The following PRKAG2 variants were observed in gnomAD, a reference collection of about 807,000 sequenced individuals.
PRKAG2 encodes the protein 5'-AMP-activated protein kinase subunit gamma-2.
Under a neutral mutation model 69.6 loss-of-function variants are expected in PRKAG2, and 26 were observed. That is an observed-to-expected ratio of 0.37 (90% CI 0.27 to 0.52). The LOEUF is 0.52. PRKAG2 is among the 20% of genes least tolerant of loss of function. PRKAG2 has a pLI of 0.90. For missense variants in PRKAG2, 557 were observed against 740.0 expected (o/e 0.75, Z 2.87); for synonymous variants, 293 against 285.0 (o/e 1.03, Z -0.28).
chr7:151,870,024 T>C (rs1381275348), intron 1 of PRKAG2, among the ~76,000 whole-genome samples: 2 of 152,216 alleles, frequency 1.3e-5, no homozygotes, highest in Non-Finnish European at 2.9e-5. Flanking sequence ...CATTCATCTT[T>C]ATTTGGAAGC....
chr7:151,558,588 T>C, intron 15 of PRKAG2: 1 of 926,046 alleles, frequency 1.1e-6, no homozygotes, highest in Non-Finnish European at 1.3e-6. Flanking sequence ...GTTGATCAGA[T>C]GCAGGCGCTC....
intron 1 of PRKAG2, among the ~76,000 whole-genome samples, chr7:151,795,085 C>T (rs892396537): frequency 1.3e-5 from 2 of 152,200 alleles, no homozygotes; most frequent in Non-Finnish European, 2.9e-5. Context: ...GGCAGCTGCT[C>T]CCAGGCCAGG....
chr7:151,615,180 A>C (rs1819802420), intron 5 of PRKAG2, among the ~76,000 whole-genome samples: 1 of 152,180 alleles, frequency 6.6e-6, no homozygotes, highest in African/African-American at 2.4e-5. Context: ...TTCCAGCTCC[A>C]CCCATGTTCC....
intron 3 of PRKAG2, among the ~76,000 whole-genome samples, chr7:151,698,504 G>A (rs947414934): frequency 1.3e-5 from 2 of 152,104 alleles, no homozygotes; most frequent in Non-Finnish European, 2.9e-5. Context: ...GGTAGTGAAT[G>A]AGTTCTCGCT....
rs1301881917 is a variant in PRKAG2 at position 151,850,105 on chromosome 7, G to A, written c.114+26402C>T. Among the ~76,000 whole-genome samples, 2 of 152,210 alleles carry A rather than the reference G, an allele frequency of 1.3e-5. No individual in the cohort carries two copies. The highest frequency in any genetic ancestry group is 6.5e-5 in the Admixed American group (1 of 15,286). On this transcript the variant is annotated intron_variant, in intron 1 of 15. Transcript: ENST00000287878. The surrounding 1 kb of genome is among the most constrained non-coding windows in gnomAD (Gnocchi z 4.1). ...GCTGAGAACCCACACCGCCTAAACC[G>A]AGGGGCCGTGCACACAGGTGGCTCA...
In PRKAG2 at chr7:151,560,608, G is replaced by A; in HGVS notation, c.1594C>T (p.Leu532=). ...DRIVRAEVHR[L]VVVNEADSIV... is the part of the protein sequence containing the mutation. ...CTATCTGCTTCATTTACCACCACCA[G>A]CCGATGGACCTGCAAAGAGAAAAGC... The change falls in exon 15 of 16, where the codon CTG becomes TTG. Residue 532 remains leucine, a synonymous_variant. Transcript: ENST00000287878. 2 of 1,614,066 alleles carry A rather than the reference G, an allele frequency of 1.2e-6. No individual in the cohort carries two copies. Among genetic ancestry groups the A allele is most frequent in the Non-Finnish European group, 1.7e-6 (2 of 1,179,924 alleles).
At chr7:151,696,246 C>A (rs1369889618) in intron 3 of PRKAG2, among the ~76,000 whole-genome samples, 1 of 152,254 alleles carries the variant, frequency 6.6e-6, no homozygotes, top group African/African-American at 2.4e-5. Flanking sequence ...GCTCACAGCA[C>A]TTTCAGAGGA....
At chr7:151,700,810 C>T (rs764891617) in intron 3 of PRKAG2, among the ~76,000 whole-genome samples, 5 of 152,308 alleles carry the variant, frequency 3.3e-5, no homozygotes, top group South Asian at 2.1e-4. Context: ...CCCCTCCACA[C>T]GGGGGGAGCC....
chr7:151,772,984 T>TGAAAGAAAGAAAGAAAGAAAGAAA (rs1257330966), intron 3 of PRKAG2, among the ~76,000 whole-genome samples: 4 of 71,832 alleles, frequency 5.6e-5, no homozygotes, highest in Admixed American at 1.9e-4. Context: ...TCTAAATGAA[T>TGAAAGAAAGAAAGAAAGAAAGAAA]GAAAGAAAGA....
At chr7:151,725,616 A>AGCTAATAT (rs1445999937) in intron 3 of PRKAG2, among the ~76,000 whole-genome samples, 30 of 152,082 alleles carry the variant, frequency 2.0e-4, no homozygotes, top group Admixed American at 1.8e-3. Context: ...TCCACAGAAG[A>AGCTAATAT]GCTAATATCA....
At chr7:151,580,942 C>A (rs890330084) in intron 6 of PRKAG2, among the ~76,000 whole-genome samples, 6 of 152,056 alleles carry the variant, frequency 3.9e-5, no homozygotes, top group Non-Finnish European at 1.5e-5. Context: ...TTAAAAATAA[C>A]CAATAATTGG....
chr7:151,848,410 T>G (rs926218112), intron 1 of PRKAG2, among the ~76,000 whole-genome samples: 1 of 151,544 alleles, frequency 6.6e-6, no homozygotes, highest in East Asian at 1.9e-4. Context: ...TCTCGGACTT[T>G]CCAGCCTCCA....
chr7:151,866,311 G>A (rs2080077598), intron 1 of PRKAG2, among the ~76,000 whole-genome samples: 1 of 152,196 alleles, frequency 6.6e-6, no homozygotes, highest in Admixed American at 6.5e-5. Context: ...TCAAAAACCT[G>A]ACAAGACACA....
chr7:151,712,493 C>T (rs1795489567), intron 3 of PRKAG2, among the ~76,000 whole-genome samples: 1 of 152,216 alleles, frequency 6.6e-6, no homozygotes, highest in Admixed American at 6.5e-5. Context: ...AAGGGAAAGT[C>T]CCCTTCCTCC....
Position 151,766,624 on chromosome 7 carries a change from C to T in PRKAG2, c.466+14528G>A, listed in dbSNP as rs75937509. ...ACTGGGGATGACCTATGCCCAGGCACTAGTGTGTTTCAAGAAAAAGGTGTC... is the reference window on the plus strand; with the variant it reads ...ACTGGGGATGACCTATGCCCAGGCATTAGTGTGTTTCAAGAAAAAGGTGTC... On this transcript the variant is annotated intron_variant, in intron 3 of 15. Coordinates refer to ENST00000287878, the MANE Select transcript of PRKAG2 (RefSeq NM_016203.4). 7.1e-3 allele frequency among the ~76,000 whole-genome samples: 1,078 copies of T among 152,314 alleles called. 41 individuals are homozygous for T. The highest frequency in any genetic ancestry group is 0.052 in the Admixed American group (799 of 15,304).
chr7:151,864,654 C>T (rs535593590), intron 1 of PRKAG2, among the ~76,000 whole-genome samples: 37 of 152,370 alleles, frequency 2.4e-4, no homozygotes, highest in African/African-American at 8.9e-4. Context: ...CAAGCGACCT[C>T]TCTGTTCTCC....
rs528863374 is a variant in PRKAG2, at chr7:151,593,144, G to A, written c.864+2201C>T. Among the ~76,000 whole-genome samples the A allele has an allele frequency of 1.4e-4, 22 of 152,280 alleles. No individual in the cohort carries two copies. In the East Asian group the frequency reaches 4.2e-3, roughly 29 times the overall value. ...GTTTAGCCAAAATGAGTAATACATG[G>A]AAAGCTGGGTAAAAGTCAAATCAGC... On this transcript the variant is annotated intron_variant, in intron 6 of 15. Coordinates refer to ENST00000287878, the MANE Select transcript of PRKAG2 (RefSeq NM_016203.4).
intron 1 of PRKAG2, among the ~76,000 whole-genome samples, chr7:151,858,657 T>C (rs1482773164): frequency 4.6e-5 from 7 of 152,204 alleles, no homozygotes; most frequent in African/African-American, 1.4e-4. Context: ...CCTGACACCA[T>C]TGCTGCTGGA....
At chr7:151,694,612 G>A (rs1325897623) in intron 3 of PRKAG2, among the ~76,000 whole-genome samples, 1 of 152,188 alleles carries the variant, frequency 6.6e-6, no homozygotes, top group South Asian at 2.1e-4. Context: ...CCACAAGGCA[G>A]CACCTGTCAG....
Sources: gnomAD v4.1 joint callset for allele counts (sites outside exome capture counted in the v4.1 genomes callset) on GRCh38, gnomAD v4.1.1 for gene constraint, Gnocchi (gnomAD v3.1) non-coding constraint, MANE v1.5 for transcripts, NCBI Gene and HGNC (gene_info 2026-07-23, HGNC 2026-07-21) for gene names.